Variants in LRP2 observed in about 807,000 individuals in gnomAD.
LRP2 encodes the protein low-density lipoprotein receptor-related protein 2.
A neutral mutation model predicts 531.0 loss-of-function variants in LRP2; 172 were observed. That is an observed-to-expected ratio of 0.32 (90% CI 0.29 to 0.37). The LOEUF (loss-of-function observed/expected upper bound fraction) is 0.37. LRP2 is among the 10% of genes least tolerant of loss of function. LRP2 has a pLI of 1.00. For synonymous variants in LRP2, 1,992 were observed against 2,027.6 expected, an observed-to-expected ratio of 0.98 and a Z score of 0.47; for missense variants, 5,167 against 5,868.3, an observed-to-expected ratio of 0.88 and a Z score of 3.90.
intron 1 of LRP2, among the ~76,000 whole-genome samples, chr2:169,349,560 T>C (rs1049126536): frequency 6.6e-6 from 1 of 152,164 alleles, no homozygotes; most frequent in Non-Finnish European, 1.5e-5. Flanking sequence ...AGTTGTGCCA[T>C]GCAGCTTCCC....
chr2:169,154,740 A>G (rs1686272253), intron 65 of LRP2, 137 bp from the exon 66 acceptor site: 1 of 784,480 alleles, frequency 1.3e-6, no homozygotes, highest in African/African-American at 1.7e-5. Context: ...ATCTCTGTTA[A>G]TCAATAAAGC....
At chr2:169,195,913 G>A (rs559030637) in intron 46 of LRP2, among the ~76,000 whole-genome samples, 2 of 152,196 alleles carry the variant, frequency 1.3e-5, no homozygotes, top group South Asian at 4.1e-4. Context: ...ATGATCCTAA[G>A]AAAATATCCT....
At chr2:169,162,766 G>A (rs904229550) in intron 62 of LRP2, among the ~76,000 whole-genome samples, 166 bp from the exon 63 acceptor site, 4 of 152,216 alleles carry the variant, frequency 2.6e-5, no homozygotes, top group African/African-American at 4.8e-5. Context: ...TCTAGCCAAC[G>A]TACTGTCAGT....
chr2:169,222,232 T>C (rs928044952), intron 33 of LRP2, among the ~76,000 whole-genome samples: 17 of 152,182 alleles, frequency 1.1e-4, no homozygotes, highest in Admixed American at 9.8e-4. Context: ...AGGTCTTTCA[T>C]GGATTTTCTA....
rs141056186 is a variant in LRP2 at position 169,197,982 on chromosome 2, A to C, written c.8578+804T>G. On this transcript the variant is annotated intron_variant, in intron 45 of 78. Coordinates refer to ENST00000649046, the MANE Select transcript of LRP2 (RefSeq NM_004525.3). ...TTAAATTATGTATCTATTTACACTA[A>C]TAGTCTCAAAGTTATCAAACTTAAG... is the stretch of plus-strand genomic sequence containing the variant. Among the ~76,000 whole-genome samples the C allele has an allele frequency of 4.2e-3, 640 of 152,354 alleles. 3 individuals are homozygous for C. The highest frequency in any genetic ancestry group is 6.0e-3 in the Non-Finnish European group (409 of 68,038).
At chr2:169,345,807 C>A (rs966601584) in intron 1 of LRP2, among the ~76,000 whole-genome samples, 1 of 149,134 alleles carries the variant, frequency 6.7e-6, no homozygotes, top group Non-Finnish European at 1.5e-5. Flanking sequence ...AAACATCCTA[C>A]ATGACTCTTG....
intron 10 of LRP2, among the ~76,000 whole-genome samples, chr2:169,280,868 C>T (rs956380977): frequency 1.3e-5 from 2 of 152,014 alleles, no homozygotes; most frequent in Non-Finnish European, 2.9e-5. Context: ...GCACCTTAGC[C>T]CCATGTGCAA....
intron 15 of LRP2, chr2:169,271,670 C>A: frequency 1.1e-6 from 1 of 937,866 alleles, no homozygotes; most frequent in Non-Finnish European, 1.3e-6. Context: ...CCTTTCTCAC[C>A]TGTGCCATCA....
At chr2:169,280,308 T>C (rs774504591) in intron 11 of LRP2, 42 bp downstream of exon 11, 2 of 1,610,712 alleles carry the variant, frequency 1.2e-6, no homozygotes, top group African/African-American at 2.7e-5. Context: ...TATCAACACT[T>C]TGTGCTCAGG....
intron 3 of LRP2, among the ~76,000 whole-genome samples, chr2:169,315,659 G>A (rs949102941): frequency 1.3e-5 from 2 of 152,184 alleles, no homozygotes; most frequent in Non-Finnish European, 2.9e-5. Context: ...TGTAAACCGT[G>A]TTAGGGAATT....
intron 31 of LRP2, among the ~76,000 whole-genome samples, chr2:169,230,739 T>G (rs1252700429): frequency 6.6e-6 from 1 of 152,158 alleles, no homozygotes; most frequent in Non-Finnish European, 1.5e-5. Flanking sequence ...CCAGAAGAAA[T>G]CTCTTTTGTG....
rs765489266 is a variant in LRP2 at position 169,213,750 on chromosome 2, T to C, written c.5947A>G (p.Ile1983Val). The C allele has an allele frequency of 1.9e-6, 3 of 1,613,430 alleles. No individual in the cohort carries two copies. Among genetic ancestry groups the C allele is most frequent in the South Asian group, 2.2e-5 (2 of 91,074 alleles). ...LYYTDEQYEV[I>V]ERVDKATGAN... ...CCAGTGGCCTTATCAACTCTTTCAA[T>C]GACCTCATACTGTTCATCAGTATAA... The change falls in exon 36 of 79, where the codon ATT (isoleucine) becomes GTT (valine). Residue 1983 changes from isoleucine (I) to valine (V), a missense_variant. Physicochemically the swap from Ile to Val is conservative, Grantham distance 29. Around this residue, in one of 6 missense-constraint regions of LRP2, gnomAD observed 2,811 missense variants for 3,058.0 expected, o/e 0.92. Coordinates refer to ENST00000649046, the MANE Select transcript of LRP2 (RefSeq NM_004525.3).
intron 14 of LRP2, 82 bp from the exon 15 acceptor site, chr2:169,273,149 C>T: frequency 6.7e-7 from 1 of 1,502,190 alleles, no homozygotes; most frequent in Non-Finnish European, 9.2e-7. Flanking sequence ...TAGCCCTTTT[C>T]ACCTATAGGT....
At chr2:169,137,054 G>A (rs1685540994) in intron 76 of LRP2, among the ~76,000 whole-genome samples, 1 of 152,224 alleles carries the variant, frequency 6.6e-6, no homozygotes, top group Admixed American at 6.5e-5. Context: ...AGTATTTGTA[G>A]AGAAGCTGTG....
At chr2:169,335,885 T>G (rs960174792) in intron 1 of LRP2, among the ~76,000 whole-genome samples, 8 of 151,848 alleles carry the variant, frequency 5.3e-5, no homozygotes, top group Non-Finnish European at 1.2e-4. Flanking sequence ...CATGGTGGCA[T>G]GCACCTGTAG....
intron 1 of LRP2, among the ~76,000 whole-genome samples, chr2:169,323,839 G>T (rs1684969665): frequency 9.8e-6 from 1 of 101,872 alleles, no homozygotes; most frequent in African/African-American, 3.8e-5. Flanking sequence ...TCTCTGGTTT[G>T]GGGGCTGCCT....
chr2:169,166,901 C>T (rs978141087), intron 61 of LRP2, among the ~76,000 whole-genome samples: 1 of 152,132 alleles, frequency 6.6e-6, no homozygotes, highest in Non-Finnish European at 1.5e-5. Context: ...ATTTTCCTTC[C>T]GCCTTGGTAT....
chr2:169,128,471 A>C lies in LRP2; in HGVS notation c.*192T>G. 1.7e-6 allele frequency: 1 copy of C among 581,042 alleles called. No homozygotes were observed. The highest frequency in any genetic ancestry group is 2.0e-5 in the South Asian group (1 of 50,076). The allele number at this position is 581,042 out of a possible 1,614,324, so 36.0% of individuals were successfully genotyped here. ...CAGTGCAAAGATATACATATAGTAC[A>C]TTGTGATAATTATTTGTAAAAATAT... On this transcript the variant is annotated 3_prime_UTR_variant, in exon 79 of 79. Transcript: ENST00000649046.
chr2:169,307,193 T>G, intron 4 of LRP2, 88 bp downstream of exon 4: 3 of 886,396 alleles, frequency 3.4e-6, no homozygotes, highest in Non-Finnish European at 5.8e-6. Flanking sequence ...TAGGCATTTA[T>G]GTCCATCAAC....
Sources: allele counts gnomAD v4.1 joint callset (sites outside exome capture counted in the v4.1 genomes callset), GRCh38; gene constraint gnomAD v4.1.1; regional missense constraint gnomAD v4.1.1; transcripts MANE v1.5; gene names NCBI Gene and HGNC (gene_info 2026-07-23, HGNC 2026-07-21).